BCAS4: variants seen among roughly 807,000 people sequenced by gnomAD.
BCAS4 encodes the protein breast carcinoma amplified sequence 4, also known as breast carcinoma-amplified sequence 4.
In BCAS4, 9 loss-of-function variants were observed where a neutral mutation model predicts 15.7. The observed-to-expected ratio is 0.57, with a 90% CI of 0.34 to 1.00. The LOEUF is 1.00. Among genes scored for constraint, BCAS4 ranks in the 50% least tolerant of loss-of-function variants. The pLI, the probability that BCAS4 is intolerant of heterozygous loss-of-function variation, is 0.02. For missense variants in BCAS4, 225 were observed against 239.1 expected, an observed-to-expected ratio of 0.94 and a Z score of 0.39; for synonymous variants, 101 against 99.5, an observed-to-expected ratio of 1.02 and a Z score of -0.09.
At chr20:50,796,487 ATTTTTT>A (rs34988437) in intron 1 of BCAS4, among the ~76,000 whole-genome samples, 41 of 6,704 alleles carry the variant, frequency 6.1e-3, no homozygotes, top group Non-Finnish European at 9.2e-3. Flanking sequence ...ATATATATAT[ATTTTTT>A]TTTTTTTTTT....
intron 3 of BCAS4, among the ~76,000 whole-genome samples, chr20:50,833,728 C>G (rs913581240): frequency 1.3e-5 from 2 of 152,186 alleles, no homozygotes; most frequent in Non-Finnish European, 2.9e-5. Flanking sequence ...AAATCCTTGT[C>G]GTATTCAACA....
At chr20:50,869,308 G>A (rs1979514417) in intron 4 of BCAS4, among the ~76,000 whole-genome samples, 3 of 152,182 alleles carry the variant, frequency 2.0e-5, no homozygotes, top group Non-Finnish European at 1.5e-5. Context: ...CCACTTGGCC[G>A]GCCTGAGGCT....
intron 2 of BCAS4, among the ~76,000 whole-genome samples, chr20:50,825,198 C>G (rs1192120263): frequency 6.6e-6 from 1 of 152,190 alleles, no homozygotes; most frequent in East Asian, 1.9e-4. Context: ...TCGTGCCCCT[C>G]TAGACTGGAC....
At chr20:50,870,795 G>T (rs11696817) in intron 4 of BCAS4, among the ~76,000 whole-genome samples, 2 of 152,376 alleles carry the variant, frequency 1.3e-5, no homozygotes, top group East Asian at 1.9e-4. Flanking sequence ...ACTCAGGTGC[G>T]CAGGGTGGAC....
chr20:50,810,250 C>T (rs999719167), intron 1 of BCAS4, among the ~76,000 whole-genome samples: 38 of 151,798 alleles, frequency 2.5e-4, no homozygotes, highest in African/African-American at 8.7e-4. Context: ...TGAGGTCTCT[C>T]GAGGCCTAGA....
intron 1 of BCAS4, among the ~76,000 whole-genome samples, chr20:50,799,225 G>A (rs948821975): frequency 3.3e-5 from 5 of 152,134 alleles, no homozygotes; most frequent in African/African-American, 1.2e-4. Context: ...GAGAAACTGC[G>A]TGTATTCATT....
intron 4 of BCAS4, among the ~76,000 whole-genome samples, chr20:50,850,816 A>G (rs1401369514): frequency 2.0e-5 from 3 of 152,210 alleles, no homozygotes; most frequent in Non-Finnish European, 2.9e-5. Context: ...GTAGGTGTTC[A>G]ATAAATAGTC....
At chr20:50,862,321 T>C (rs1264001334) in intron 4 of BCAS4, among the ~76,000 whole-genome samples, 2 of 152,228 alleles carry the variant, frequency 1.3e-5, no homozygotes, top group African/African-American at 4.8e-5. Context: ...TCTCATGATG[T>C]TCATCTCTGT....
intron 4 of BCAS4, among the ~76,000 whole-genome samples, chr20:50,861,463 G>A (rs76353053): frequency 0.02 from 3,056 of 152,354 alleles, 42 homozygotes; most frequent in East Asian, 0.05. Context: ...TGACAAGGGT[G>A]CGGTGTTTCC....
chr20:50,849,255 C>A (rs996349135), intron 4 of BCAS4, among the ~76,000 whole-genome samples: 1 of 152,242 alleles, frequency 6.6e-6, no homozygotes. Flanking sequence ...CGGTGCTTCC[C>A]AGGGAAGCTC....
intron 4 of BCAS4, among the ~76,000 whole-genome samples, chr20:50,857,974 A>G (rs534203911): frequency 9.2e-5 from 14 of 151,846 alleles, no homozygotes; most frequent in Non-Finnish European, 1.8e-4. Context: ...GCTTCCTTCC[A>G]TCCACCTCCA....
At chr20:50,806,308 C>G (rs953043898) in intron 1 of BCAS4, among the ~76,000 whole-genome samples, 3 of 152,244 alleles carry the variant, frequency 2.0e-5, no homozygotes, top group Non-Finnish European at 2.9e-5. Context: ...AGGCGCCGCC[C>G]AGGCTGCTGT....
At chr20:50,799,969 C>T (rs184796023) in intron 1 of BCAS4, among the ~76,000 whole-genome samples, 1 of 152,158 alleles carries the variant, frequency 6.6e-6, no homozygotes. Flanking sequence ...ATCACCTGGG[C>T]TCTGGGAGGT....
intron 2 of BCAS4, among the ~76,000 whole-genome samples, chr20:50,828,035 A>T (rs1048899013): frequency 7.5e-4 from 108 of 144,800 alleles, no homozygotes; most frequent in South Asian, 2.4e-3. Context: ...GCCTTCAAAA[A>T]TTTTTTTTTT....
At chr20:50,866,347 A>G (rs1048492421) in intron 4 of BCAS4, among the ~76,000 whole-genome samples, 1 of 152,150 alleles carries the variant, frequency 6.6e-6, no homozygotes, top group Non-Finnish European at 1.5e-5. Context: ...GCCTGGAGCC[A>G]CTGCCAGCTT....
At chr20:50,856,605 G>A (rs1370288532) in intron 4 of BCAS4, among the ~76,000 whole-genome samples, 1 of 152,194 alleles carries the variant, frequency 6.6e-6, no homozygotes, top group Non-Finnish European at 1.5e-5. Context: ...GTGTCTGGTA[G>A]CTCTTTGCTG....
rs75550071 is a variant in BCAS4 at position 50,860,353 on chromosome 20, C to T, written c.400-16133C>T. Among the ~76,000 whole-genome samples the T allele has an allele frequency of 3.8e-3, 581 of 152,334 alleles. 1 individual carries two copies. The highest frequency in any genetic ancestry group is 6.8e-3 in the Non-Finnish European group (465 of 68,038). ...CAATTTACTTCTATCAGCCAAGACACTGAGCAGGGTCCCGCCAGGTCCCCT... is the reference window on the plus strand; with the variant it reads ...CAATTTACTTCTATCAGCCAAGACATTGAGCAGGGTCCCGCCAGGTCCCCT... On this transcript the variant is annotated intron_variant, in intron 4 of 4. Transcript: ENST00000371608.
intron 2 of BCAS4, among the ~76,000 whole-genome samples, chr20:50,818,527 G>T (rs2088170406): frequency 6.6e-6 from 1 of 152,214 alleles, no homozygotes; most frequent in Non-Finnish European, 1.5e-5. Flanking sequence ...CCTCGAGATG[G>T]TTTTTATTCC....
intron 1 of BCAS4, among the ~76,000 whole-genome samples, chr20:50,812,154 A>C (rs1345965478): frequency 6.6e-6 from 1 of 150,958 alleles, no homozygotes; most frequent in Non-Finnish European, 1.5e-5. Flanking sequence ...TTTTTTTGAG[A>C]TGGAATCTCA....
Sources: allele counts gnomAD v4.1 joint callset (sites outside exome capture counted in the v4.1 genomes callset), GRCh38; gene constraint gnomAD v4.1.1; transcripts MANE v1.5; gene names NCBI Gene and HGNC (gene_info 2026-07-23, HGNC 2026-07-21).